Variants in PARP4 observed in about 807,000 individuals in gnomAD.
PARP4 encodes poly(ADP-ribose) polymerase family member 4.
Under a neutral mutation model 187.7 loss-of-function variants are expected in PARP4, and 120 were observed. The ratio of observed to expected loss-of-function variants is 0.64; its 90% CI spans 0.55 to 0.74. The LOEUF (loss-of-function observed/expected upper bound fraction) is 0.74, where lower values mean the gene tolerates loss of function less well. Ranked by LOEUF, PARP4 falls within the 30% of genes least tolerant of loss-of-function variation. The pLI is 0.00. For missense variants in PARP4, 1,836 were observed against 2,070.5 expected (o/e 0.89, Z 2.20); for synonymous variants, 654 against 740.9 (o/e 0.88, Z 1.90).
At chr13:24,460,465 C>T (rs113340522) in intron 17 of PARP4, among the ~76,000 whole-genome samples, 1,552 of 97,988 alleles carry the variant, frequency 0.016, 18 homozygotes, top group African/African-American at 0.043. Flanking sequence ...CACGGGTGGG[C>T]TCTGCTGCAC....
intron 25 of PARP4, among the ~76,000 whole-genome samples, chr13:24,449,256 C>G (rs1368427903): frequency 4.6e-5 from 7 of 151,940 alleles, no homozygotes; most frequent in Non-Finnish European, 8.8e-5. Context: ...GGCATGGTGG[C>G]TGGTGCCTGT....
intron 17 of PARP4, among the ~76,000 whole-genome samples, chr13:24,463,997 CCAA>C (rs759212668): frequency 1.3e-5 from 2 of 152,072 alleles, no homozygotes; most frequent in Non-Finnish European, 2.9e-5. Context: ...TTCCTATACA[CCAA>C]CAACAGACAA....
Position 24,469,998 on chromosome 13 carries a change from T to C in PARP4, c.1942A>G (p.Lys648Glu), listed in dbSNP as rs1469045853. Residue 648 changes from lysine (K) to glutamate (E), a missense_variant, in exon 16 of 34, where the codon AAA becomes GAA. Physicochemically the swap from Lys to Glu is moderately conservative, Grantham distance 56. Transcript: ENST00000381989. ...TTTGCCTCAATGGGCACGTGACTTTTATTTGTGTATGTCTGAAAAACAATG... is the reference window on the plus strand; with the variant it reads ...TTTGCCTCAATGGGCACGTGACTTTCATTTGTGTATGTCTGAAAAACAATG... ...QVIVFQTYTN[K>E]SHVPIEAKYI... 1.2e-6 allele frequency: 2 copies of C among 1,613,752 alleles called. No individual in the cohort carries two copies. The highest frequency in any genetic ancestry group is 1.7e-6 in the Non-Finnish European group (2 of 1,179,736).
At chr13:24,493,779 A>T (rs747195207) in intron 7 of PARP4, 46 bp from the exon 8 acceptor site, 4 of 1,601,710 alleles carry the variant, frequency 2.5e-6, no homozygotes, top group African/African-American at 1.3e-5. Context: ...ATCATGTGTG[A>T]GTTTGTGTAA....
chr13:24,488,938 AT>A (rs1868470808), intron 10 of PARP4, among the ~76,000 whole-genome samples: 1 of 152,164 alleles, frequency 6.6e-6, no homozygotes. Context: ...TCAGCGTAAT[AT>A]TTTTGAGGTT....
intron 16 of PARP4, 122 bp downstream of exon 16, chr13:24,469,772 T>C: frequency 9.9e-7 from 1 of 1,011,422 alleles, no homozygotes; most frequent in African/African-American, 1.6e-5. Context: ...AAGAATATTC[T>C]CGTTTTATGA....
intron 32 of PARP4, among the ~76,000 whole-genome samples, chr13:24,429,545 G>T (rs572808791): frequency 1.4e-3 from 207 of 152,266 alleles, no homozygotes; most frequent in African/African-American, 4.8e-3. Context: ...CCTATGTCCT[G>T]GGGTATAGTC....
chr13:24,435,211 T>A lies in PARP4; in HGVS notation c.3930A>T (p.Thr1310=). 6.2e-7 allele frequency: 1 copy of A among 1,614,166 alleles called. No individual in the cohort carries two copies. ...PLFKKVSPWE[T]STSSFFPILA... ...AAATAGGAAAAAAGCTAGAAGTAGATGTTTCCCATGGACTGACTTTCTTAA... is the reference window on the plus strand; with the variant it reads ...AAATAGGAAAAAAGCTAGAAGTAGAAGTTTCCCATGGACTGACTTTCTTAA... The change falls in exon 31 of 34, where the codon ACA becomes ACT. Residue 1310 remains threonine (T), a synonymous_variant. Coordinates refer to ENST00000381989, the MANE Select transcript of PARP4 (RefSeq NM_006437.4).
chr13:24,483,093 C>T (rs1194371566), intron 12 of PARP4, among the ~76,000 whole-genome samples: 1 of 152,032 alleles, frequency 6.6e-6, no homozygotes, highest in Non-Finnish European at 1.5e-5. Context: ...AGTCATACCT[C>T]ACTGTGGCCT....
intron 11 of PARP4, 115 bp from the exon 12 acceptor site, chr13:24,484,863 A>G (rs907915969): frequency 9.9e-5 from 63 of 634,252 alleles, no homozygotes; most frequent in Non-Finnish European, 1.4e-4. Flanking sequence ...CTCTGCAATC[A>G]GGGTGAAGCC....
intron 9 of PARP4, 71 bp from the exon 10 acceptor site, chr13:24,490,899 ACTTTCTC>A: frequency 1.5e-6 from 2 of 1,314,444 alleles, no homozygotes; most frequent in Non-Finnish European, 2.1e-6. Flanking sequence ...TCACATTAAC[ACTTTCTC>A]AAAAAGATAG....
At chr13:24,486,036 C>A (rs1005020245) in intron 11 of PARP4, 132 bp downstream of exon 11, 13 of 715,954 alleles carry the variant, frequency 1.8e-5, no homozygotes, top group Non-Finnish European at 2.7e-5. Context: ...TAATTTTCTC[C>A]AGAATGCAGT....
At chr13:24,488,161 C>A (rs191146378) in intron 10 of PARP4, among the ~76,000 whole-genome samples, 437 of 152,164 alleles carry the variant, frequency 2.9e-3, no homozygotes, top group Non-Finnish European at 3.0e-3. Flanking sequence ...CCCTGGAGGG[C>A]TGAACTGCAG....
At chr13:24,491,958 A>T (rs1334189997) in intron 9 of PARP4, among the ~76,000 whole-genome samples, 1 of 152,264 alleles carries the variant, frequency 6.6e-6, no homozygotes, top group Non-Finnish European at 1.5e-5. Context: ...GGCTAAGAGC[A>T]GAGCCGTCAC....
rs570888105 is a variant in PARP4, at chr13:24,492,383, T to C, written c.1053+38A>G. ...TCTAAAGACCCCCACCCTCAACATATTTTATAATAAATAGAATTCTATATT... is the reference window on the plus strand; with the variant it reads ...TCTAAAGACCCCCACCCTCAACATACTTTATAATAAATAGAATTCTATATT... On this transcript the variant is annotated intron_variant, in intron 9 of 33. Coordinates refer to ENST00000381989, the MANE Select transcript of PARP4 (RefSeq NM_006437.4). 53 of 1,485,284 alleles carry C rather than the reference T, an allele frequency of 3.6e-5. No homozygotes were observed. In the Admixed American group the frequency reaches 7.3e-4, roughly 20 times the overall value. 92.0% of individuals were successfully genotyped at this position (1,485,284 alleles called of 1,614,324 possible).
intron 25 of PARP4, 111 bp downstream of exon 25, chr13:24,449,607 C>T: frequency 1.5e-6 from 1 of 651,004 alleles, no homozygotes; most frequent in Non-Finnish European, 2.7e-6. Context: ...GTGCTTGCCT[C>T]TTTACGGCTC....
rs1872060486 is a variant in PARP4, at chr13:24,459,299, C to T, written c.2310G>A (p.Glu770=). 1 of 1,569,832 alleles carries T rather than the reference C, an allele frequency of 6.4e-7. No individual in the cohort carries two copies. The highest frequency in any genetic ancestry group is 2.2e-5 in the East Asian group (1 of 44,532). Residue 770 remains glutamate, a synonymous_variant, in exon 19 of 34, where the codon GAG becomes GAA. Transcript: ENST00000381989. ...TTCCTATTTCTTTTATACAAATCTT[C>T]TCTACTGTATCCTGTTAAAAGAAAA... ...ALNENLQDTV[E]KICIKEIGTK...
chr13:24,486,663 A>G lies in PARP4; in HGVS notation c.1215-358T>C, dbSNP rs145723058. ...TTTCAACAACAATAAAAAAGAATGC[A>G]ACTTCTGGCTGGGCGCAATGGCTCA... On this transcript the variant is annotated intron_variant, in intron 10 of 33. Transcript: ENST00000381989. Among the ~76,000 whole-genome samples, 430 of 152,302 alleles carry G rather than the reference A, an allele frequency of 2.8e-3. 5 individuals carry two copies. The highest frequency in any genetic ancestry group is 9.9e-3 in the African/African-American group (412 of 41,582).
intron 6 of PARP4, 82 bp downstream of exon 6, chr13:24,498,034 G>A: frequency 1.1e-6 from 1 of 906,132 alleles, no homozygotes; most frequent in Non-Finnish European, 1.8e-6. Flanking sequence ...AGAAGAAAAA[G>A]GTTGGGAGGT....
Sources: gnomAD v4.1 joint callset for allele counts (sites outside exome capture counted in the v4.1 genomes callset) on GRCh38, gnomAD v4.1.1 for gene constraint, MANE v1.5 for transcripts, NCBI Gene and HGNC (gene_info 2026-07-23, HGNC 2026-07-21) for gene names.